PIP5K1A: variants seen among roughly 807,000 people sequenced by gnomAD.
PIP5K1A encodes phosphatidylinositol 4-phosphate 5-kinase type-1 alpha.
Under a neutral mutation model 72.9 loss-of-function variants are expected in PIP5K1A, and 46 were observed. The ratio of observed to expected loss-of-function variants is 0.63; its 90% CI spans 0.50 to 0.81. The LOEUF (loss-of-function observed/expected upper bound fraction) is 0.81. PIP5K1A is among the 30% of genes least tolerant of loss of function. The pLI, the probability that PIP5K1A is intolerant of heterozygous loss-of-function variation, is 0.00. For synonymous variants in PIP5K1A, 228 were observed against 255.1 expected (o/e 0.89, Z 1.01); for missense variants, 458 against 706.1 (o/e 0.65, Z 3.98).
rs145689350 is a variant in PIP5K1A at position 151,239,082 on chromosome 1, C to A, written c.1230-48C>A. 387 of 1,368,110 alleles carry A rather than the reference C, an allele frequency of 2.8e-4. 2 individuals are homozygous for A. The African/African-American group carries it at 4.6e-3, about 16-fold the overall frequency. The allele number at this position is 1,368,110 out of a possible 1,614,324, so 84.7% of individuals were successfully genotyped here. ...CCCTAAAATATAAAGTTATTAAGGT[C>A]ATTTATTTAAAAATGACGTGAGTAG... On this transcript the variant is annotated intron_variant, in intron 10 of 15. Coordinates refer to ENST00000368888, the MANE Select transcript of PIP5K1A (RefSeq NM_001135638.2).
intron 1 of PIP5K1A, among the ~76,000 whole-genome samples, chr1:151,218,202 C>G (rs141598425): frequency 2.6e-5 from 4 of 152,162 alleles, no homozygotes; most frequent in Non-Finnish European, 4.4e-5. Flanking sequence ...AGTTTCTGCT[C>G]CTCTAGAATA....
chr1:151,240,931 A>G (rs6701325), intron 12 of PIP5K1A, among the ~76,000 whole-genome samples: 94,518 of 151,908 alleles, frequency 0.62, 30,021 homozygotes, highest in Non-Finnish European at 0.7. Context: ...TTGGGAGGCC[A>G]AAGCAGGTGG....
chr1:151,239,880 G>A, intron 11 of PIP5K1A, 75 bp from the exon 12 acceptor site: 1 of 1,023,466 alleles, frequency 9.8e-7, no homozygotes. Context: ...GGCTCAGTCT[G>A]GGGGAAGATG....
intron 15 of PIP5K1A, 26 bp from the exon 16 acceptor site, chr1:151,247,837 C>T (rs1039117076): frequency 6.3e-7 from 1 of 1,594,822 alleles, no homozygotes; most frequent in African/African-American, 1.3e-5. Flanking sequence ...ACTCCACATC[C>T]TTAACTTTAC....
intron 1 of PIP5K1A, among the ~76,000 whole-genome samples, chr1:151,209,871 C>T (rs1471659198): frequency 6.6e-6 from 1 of 151,792 alleles, no homozygotes; most frequent in East Asian, 1.9e-4. Flanking sequence ...CACGACTAGC[C>T]TGCATTTTTT....
chr1:151,212,881 CTT>C lies in PIP5K1A; in HGVS notation c.86-11347_86-11346del, dbSNP rs59115186. The stretch of plus-strand genomic sequence containing the variant: ...AGCCACCGTGCCTGGCTGACTTTGC[CTT>C]TTTTTTTTTTTTTTTTCTTTTTTTT... On this transcript the variant is annotated intron_variant, in intron 1 of 15. Transcript: ENST00000368888. Among the ~76,000 whole-genome samples the C allele has an allele frequency of 7.1e-3, 797 of 113,010 alleles. 4 individuals carry two copies. The highest frequency in any genetic ancestry group is 0.021 in the East Asian group (82 of 3,908). The allele number at this position is 113,010 out of a possible 152,430, so 74.1% of individuals were successfully genotyped here. A position where few individuals can be genotyped will look rare whatever the true frequency, so the allele number is the denominator to read the frequency against.
chr1:151,228,527 A>G (rs587603576), intron 4 of PIP5K1A, among the ~76,000 whole-genome samples: 19 of 152,236 alleles, frequency 1.2e-4, no homozygotes, highest in African/African-American at 4.6e-4. Context: ...TCTGAATATC[A>G]AATGGACTGG....
At position 151,200,657 on chromosome 1, in the gene PIP5K1A, C is replaced by T. The variant is rs149547937; in HGVS notation, c.85+1576C>T. On this transcript the variant is annotated intron_variant, in intron 1 of 15. Transcript: ENST00000368888. ...TGCTGAAATATCTAGTCACACATAT[C>T]TTCTTAATAAGCTGCAGTTTTATTT... Among the ~76,000 whole-genome samples, 665 of 152,140 alleles carry T rather than the reference C, an allele frequency of 4.4e-3. 6 individuals are homozygous for T. The highest frequency in any genetic ancestry group is 0.015 in the African/African-American group (627 of 41,492).
intron 10 of PIP5K1A, 99 bp from the exon 11 acceptor site, chr1:151,239,031 C>A: frequency 3.6e-6 from 3 of 832,152 alleles, no homozygotes; most frequent in East Asian, 2.6e-5. Flanking sequence ...TCTGTCTTTT[C>A]AAGATTTTCT....
upstream of PIP5K1A, among the ~76,000 whole-genome samples, chr1:151,196,861 T>TGCATGGGGATATTCTATGGATG (rs34415860): frequency 1.2e-4 from 2 of 16,010 alleles, no homozygotes; most frequent in South Asian, 1.4e-3. Context: ...GCGCCCGGCC[T>TGCATGGGGATATTCTATGGATG]TTTTTTTTTT....
chr1:151,227,266 A>C, intron 3 of PIP5K1A, 54 bp from the exon 4 acceptor site: 1 of 986,920 alleles, frequency 1.0e-6, no homozygotes, highest in Non-Finnish European at 1.6e-6. Flanking sequence ...CCATTGTGGT[A>C]GCTATTTGGT....
At chr1:151,245,345 T>C (rs1249438142) in intron 14 of PIP5K1A, among the ~76,000 whole-genome samples, 1 of 152,164 alleles carries the variant, frequency 6.6e-6, no homozygotes, top group Non-Finnish European at 1.5e-5. Context: ...TCCAATAAAA[T>C]TTTTCTCACT....
chr1:151,232,810 T>A (rs1690284251), intron 7 of PIP5K1A, 107 bp downstream of exon 7: 5 of 1,046,818 alleles, frequency 4.8e-6, no homozygotes, highest in Non-Finnish European at 5.7e-6. Context: ...ATCTTAAGAG[T>A]GTAGTTCAGG....
Position 151,201,123 on chromosome 1 carries a change from C to G in PIP5K1A, c.85+2042C>G, listed in dbSNP as rs181603600. Among the ~76,000 whole-genome samples the G allele has an allele frequency of 1.2e-4, 19 of 152,286 alleles. No individual in the cohort carries two copies. The East Asian group carries it at 3.5e-3, about 28-fold the overall frequency. ...TGCTGGGATTATAGGCGTGAGCCAC[C>G]GTGCCCCACCTGGGTTTTTATTTTT... is the stretch of plus-strand genomic sequence containing the variant. On this transcript the variant is annotated intron_variant, in intron 1 of 15. Transcript: ENST00000368888.
At chr1:151,198,215 T>C (rs1684722566), upstream of PIP5K1A, 1 of 413,284 alleles carries the variant, frequency 2.4e-6, no homozygotes, top group Non-Finnish European at 5.0e-6. Context: ...TGTTTTGTGA[T>C]ATTCGACACC....
chr1:151,234,628 TTAATTAG>T (rs1303883892), intron 8 of PIP5K1A, 132 bp downstream of exon 8: 3 of 687,080 alleles, frequency 4.4e-6, no homozygotes, highest in Non-Finnish European at 2.5e-6. Context: ...AAAATAAGTC[TTAATTAG>T]TTCATTGCCA....
intron 13 of PIP5K1A, 29 bp from the exon 14 acceptor site, chr1:151,242,409 G>A: frequency 6.2e-7 from 1 of 1,613,330 alleles, no homozygotes; most frequent in Non-Finnish European, 8.5e-7. Flanking sequence ...TGTATTTACT[G>A]TACCCCATCT....
chr1:151,232,634 G>T lies in PIP5K1A; in HGVS notation c.570G>T (p.Glu190Asp). Reference sequence around the variant, plus strand: ...TATTCTATGTGTCCAGCGACGATGAGTTCATTATTAAGACAGTCCAACATA... The same window carrying T: ...TATTCTATGTGTCCAGCGACGATGATTTCATTATTAAGACAGTCCAACATA... ...GSLFYVSSDDEFIIKTVQHKE... is the reference protein window; with the variant it reads ...GSLFYVSSDDDFIIKTVQHKE... The change falls in exon 7 of 16, where the codon GAG (glutamate) becomes GAT (aspartate). Residue 190 changes from glutamate to aspartate, a missense_variant. Physicochemically the swap from Glu to Asp is conservative, Grantham distance 45. Transcript: ENST00000368888. 6.2e-7 allele frequency: 1 copy of T among 1,613,092 alleles called. No individual in the cohort carries two copies.
At chr1:151,216,832 A>G (rs952876887) in intron 1 of PIP5K1A, among the ~76,000 whole-genome samples, 4 of 151,830 alleles carry the variant, frequency 2.6e-5, no homozygotes, top group African/African-American at 7.3e-5. Context: ...CACATTTTAT[A>G]GATAAGGTAG....
Sources: allele counts gnomAD v4.1 joint callset (sites outside exome capture counted in the v4.1 genomes callset), GRCh38; gene constraint gnomAD v4.1.1; transcripts MANE v1.5; gene names NCBI Gene and HGNC (gene_info 2026-07-23, HGNC 2026-07-21).